The following CTNNA3 variants were observed in gnomAD, a reference collection of about 807,000 sequenced individuals.
CTNNA3 encodes the protein catenin alpha-3.
A neutral mutation model predicts 95.7 loss-of-function variants in CTNNA3; 76 were observed. That is an observed-to-expected ratio of 0.79 (90% CI 0.66 to 0.96). The LOEUF (loss-of-function observed/expected upper bound fraction) is 0.96, where lower values mean the gene tolerates loss of function less well. Among genes scored for constraint, CTNNA3 ranks in the 40% least tolerant of loss-of-function variants. The pLI, the probability that CTNNA3 is intolerant of heterozygous loss-of-function variation, is 0.00. For synonymous variants in CTNNA3, 431 were observed against 374.4 expected (o/e 1.15, Z -1.74); for missense variants, 1,191 against 1,089.8 (o/e 1.09, Z -1.31).
chr10:66,928,249 T>C, intron 7 of CTNNA3: 12 of 1,614,112 alleles, frequency 7.4e-6, no homozygotes, highest in Non-Finnish European at 1.0e-5. Context: ...ATGGAAGCGG[T>C]ACCCTGCGAG....
chr10:66,119,143 A>T (rs972526856), intron 13 of CTNNA3, among the ~76,000 whole-genome samples: 1 of 152,200 alleles, frequency 6.6e-6, no homozygotes, highest in African/African-American at 2.4e-5. Flanking sequence ...GCAGGTATTC[A>T]TGGATTACCT....
intron 5 of CTNNA3, among the ~76,000 whole-genome samples, chr10:67,466,819 T>C (rs1215782282): frequency 6.6e-6 from 1 of 152,202 alleles, no homozygotes; most frequent in Non-Finnish European, 1.5e-5. Context: ...TGATTCTTCA[T>C]CATAACTTAA....
chr10:67,237,765 G>A (rs1306388801), intron 5 of CTNNA3, among the ~76,000 whole-genome samples: 1 of 152,100 alleles, frequency 6.6e-6, no homozygotes, highest in East Asian at 1.9e-4. Context: ...CATTTCACGT[G>A]CTCTGCTAAA....
chr10:66,163,861 C>T (rs1254173658), intron 13 of CTNNA3, among the ~76,000 whole-genome samples: 1 of 152,070 alleles, frequency 6.6e-6, no homozygotes, highest in East Asian at 1.9e-4. Flanking sequence ...AGTCAGAAGG[C>T]TTTTATTGGG....
At chr10:67,366,315 A>G (rs1843216895) in intron 5 of CTNNA3, among the ~76,000 whole-genome samples, 2 of 152,206 alleles carry the variant, frequency 1.3e-5, no homozygotes, top group Non-Finnish European at 1.5e-5. Flanking sequence ...TATGTAACAA[A>G]TCTGCATCTT....
At chr10:66,118,601 T>C (rs527707291) in intron 13 of CTNNA3, among the ~76,000 whole-genome samples, 16 of 152,184 alleles carry the variant, frequency 1.1e-4, no homozygotes, top group Non-Finnish European at 2.4e-4. Flanking sequence ...AGTAATTTAG[T>C]ATGTCAACAA....
chr10:66,195,936 C>A (rs12416558), intron 13 of CTNNA3, among the ~76,000 whole-genome samples: 11,500 of 152,080 alleles, frequency 0.076, 548 homozygotes, highest in Admixed American at 0.12. Flanking sequence ...GTAAAAATAT[C>A]GATCTATAAT....
At chr10:66,980,506 CTTCT>C (rs1434289563) in intron 7 of CTNNA3, among the ~76,000 whole-genome samples, 8 of 126,232 alleles carry the variant, frequency 6.3e-5, no homozygotes, top group Admixed American at 3.2e-4. Context: ...TGAGACCTTC[CTTCT>C]GTTTCCCAAG....
intron 7 of CTNNA3, among the ~76,000 whole-genome samples, chr10:66,939,027 A>G (rs1475941909): frequency 6.6e-6 from 1 of 152,112 alleles, no homozygotes; most frequent in East Asian, 1.9e-4. Flanking sequence ...ATGCATTCTG[A>G]GGCCTCTCCT....
chr10:67,598,145 C>G (rs1842980206), intron 3 of CTNNA3, among the ~76,000 whole-genome samples: 1 of 152,038 alleles, frequency 6.6e-6, no homozygotes, highest in African/African-American at 2.4e-5. Flanking sequence ...AGGAGTATGG[C>G]AAGCCTTGGG....
intron 4 of CTNNA3, among the ~76,000 whole-genome samples, chr10:67,523,502 C>T (rs1840046221): frequency 6.6e-6 from 1 of 152,166 alleles, no homozygotes; most frequent in African/African-American, 2.4e-5. Flanking sequence ...GTTCTTTCTA[C>T]TCTATCCTTA....
intron 2 of CTNNA3, among the ~76,000 whole-genome samples, chr10:67,617,827 T>G (rs1446645320): frequency 6.6e-6 from 1 of 152,038 alleles, no homozygotes; most frequent in Non-Finnish European, 1.5e-5. Context: ...TGTTATCTCA[T>G]TGTGGTTTTG....
intron 7 of CTNNA3, among the ~76,000 whole-genome samples, chr10:66,937,610 T>G (rs1847780281): frequency 6.6e-6 from 1 of 152,148 alleles, no homozygotes; most frequent in Non-Finnish European, 1.5e-5. Flanking sequence ...TAGTTAATAC[T>G]GAAGAGTGAT....
chr10:67,207,476 G>A lies in CTNNA3; in HGVS notation c.843+12131C>T, dbSNP rs180908516. Among the ~76,000 whole-genome samples the A allele has an allele frequency of 3.9e-3, 590 of 152,182 alleles. 2 individuals carry two copies. Among genetic ancestry groups the A allele is most frequent in the African/African-American group, 0.013 (546 of 41,496 alleles). The stretch of plus-strand genomic sequence containing the variant: ...TCTCATCCAAGTCCACAGACACCCT[G>A]AATTCTACATATGAATCCCCATGAA... On this transcript the variant is annotated intron_variant, in intron 6 of 17. Coordinates refer to ENST00000433211, the MANE Select transcript of CTNNA3 (RefSeq NM_013266.4).
Position 67,647,448 on chromosome 10 carries a change from G to T in CTNNA3, c.66C>A (p.Thr22=), listed in dbSNP as rs761454862. 2 of 1,613,056 alleles carry T rather than the reference G, an allele frequency of 1.2e-6. No individual in the cohort carries two copies. Among genetic ancestry groups the T allele is most frequent in the Non-Finnish European group, 8.5e-7 (1 of 1,179,392 alleles). The change falls in exon 2 of 18, where the codon ACC becomes ACA. Residue 22 remains threonine, a synonymous_variant. Coordinates refer to ENST00000433211, the MANE Select transcript of CTNNA3 (RefSeq NM_013266.4). ...DPQDLQVQTF[T]VEKLLEPLII... is the part of the protein sequence containing the mutation. ...TGAGAGGCTCCAGTAGCTTCTCCAC[G>T]GTGAATGTTTGGACCTGCAGATCCT...
At chr10:67,036,970 G>A (rs1311269965) in intron 7 of CTNNA3, among the ~76,000 whole-genome samples, 1 of 152,148 alleles carries the variant, frequency 6.6e-6, no homozygotes, top group Non-Finnish European at 1.5e-5. Flanking sequence ...AACCCAAAGG[G>A]AGTGACTCAT....
chr10:66,191,256 G>A (rs990287573), intron 13 of CTNNA3, among the ~76,000 whole-genome samples: 1 of 151,916 alleles, frequency 6.6e-6, no homozygotes, highest in African/African-American at 2.4e-5. Context: ...TAACACTTTG[G>A]AACAGAAATA....
chr10:66,421,449 T>C (rs1462868405), intron 11 of CTNNA3, among the ~76,000 whole-genome samples: 1 of 152,118 alleles, frequency 6.6e-6, no homozygotes, highest in Non-Finnish European at 1.5e-5. Context: ...CTCACAGTAA[T>C]GGACACTTCA....
At chr10:66,290,558 TAATAA>T (rs1447594197) in intron 12 of CTNNA3, among the ~76,000 whole-genome samples, 4 of 152,128 alleles carry the variant, frequency 2.6e-5, no homozygotes, top group African/African-American at 9.6e-5. Flanking sequence ...GGTTATTAAA[TAATAA>T]AATGAACAAT....
Sources: gnomAD v4.1 joint callset for allele counts (sites outside exome capture counted in the v4.1 genomes callset) on GRCh38, gnomAD v4.1.1 for gene constraint, MANE v1.5 for transcripts, NCBI Gene and HGNC (gene_info 2026-07-23, HGNC 2026-07-21) for gene names.